LMO7: variants seen among roughly 807,000 people sequenced by gnomAD.
LMO7 encodes LIM domain 7, also known as LIM domain only protein 7.
LMO7 carries 120 observed loss-of-function variants against 206.5 expected under a neutral mutation model. The observed-to-expected ratio is 0.58, with a 90% confidence interval of 0.50 to 0.68. The LOEUF (loss-of-function observed/expected upper bound fraction) is 0.68. Ranked by LOEUF, LMO7 falls within the 30% of genes least tolerant of loss-of-function variation. The pLI, the probability that LMO7 is intolerant of heterozygous loss-of-function variation, is 0.00. For synonymous variants in LMO7, 706 were observed against 681.5 expected (o/e 1.04, Z -0.56); for missense variants, 1,959 against 1,957.9 (o/e 1.00, Z -0.01).
intron 11 of LMO7, among the ~76,000 whole-genome samples, chr13:75,810,938 C>T (rs940760526): frequency 2.0e-5 from 3 of 152,154 alleles, no homozygotes; most frequent in Non-Finnish European, 2.9e-5. Context: ...ATAGTTGTTT[C>T]GGATAGTACA....
chr13:75,747,483 CTG>C (rs1466781347), intron 3 of LMO7, among the ~76,000 whole-genome samples: 5 of 152,326 alleles, frequency 3.3e-5, no homozygotes, highest in African/African-American at 1.2e-4. Flanking sequence ...TATCCACTCA[CTG>C]TATGCTAGAA....
intron 1 of LMO7, among the ~76,000 whole-genome samples, chr13:75,709,455 ACCT>A (rs2042911220): frequency 6.6e-6 from 1 of 151,710 alleles, no homozygotes; most frequent in Admixed American, 6.6e-5. Flanking sequence ...CCTCTCCAGC[ACCT>A]GTTGTTTCCT....
At chr13:75,754,298 T>C (rs2047501148) in intron 3 of LMO7, among the ~76,000 whole-genome samples, 1 of 152,236 alleles carries the variant, frequency 6.6e-6, no homozygotes, top group African/African-American at 2.4e-5. Context: ...TTCTGGCTTC[T>C]TTCACTTACT....
rs2061122293 is a variant in LMO7 at position 75,858,347 on chromosome 13, T to C, written c.*404T>C. 6.2e-6 allele frequency: 1 copy of C among 162,282 alleles called. No homozygotes were observed. The highest frequency in any genetic ancestry group is 6.4e-5 in the Admixed American group (1 of 15,626). 10.1% of individuals were successfully genotyped at this position (162,282 alleles called of 1,614,324 possible). ...TGAAATAGTTAATATAAATACATAATTGCATTTGCTCTGTTTATTGTAATG... is the reference window on the plus strand; with the variant it reads ...TGAAATAGTTAATATAAATACATAACTGCATTTGCTCTGTTTATTGTAATG... On this transcript the variant is annotated 3_prime_UTR_variant, in exon 31 of 31. Transcript: ENST00000377534.
At chr13:75,721,187 C>T (rs996748596) in intron 2 of LMO7, among the ~76,000 whole-genome samples, 1 of 152,002 alleles carries the variant, frequency 6.6e-6, no homozygotes, top group African/African-American at 2.4e-5. Context: ...TTGGTAAGAG[C>T]AAAAAGCAAT....
intron 1 of LMO7, among the ~76,000 whole-genome samples, chr13:75,681,736 A>ATATATG (rs1555293422): frequency 6.0e-5 from 8 of 133,220 alleles, no homozygotes; most frequent in African/African-American, 2.1e-4. Context: ...ATATATATAT[A>ATATATG]TATATATATA....
At chr13:75,639,060 T>C (rs2036254246) in intron 1 of LMO7, among the ~76,000 whole-genome samples, 2 of 152,190 alleles carry the variant, frequency 1.3e-5, no homozygotes, top group African/African-American at 4.8e-5. Flanking sequence ...AACTGCAGCT[T>C]TGAATACCCC....
intron 4 of LMO7, among the ~76,000 whole-genome samples, chr13:75,791,642 G>A (rs1233631140): frequency 1.3e-5 from 2 of 152,072 alleles, no homozygotes; most frequent in African/African-American, 4.8e-5. Context: ...TTCAGGTAGA[G>A]GAGAGAAAAA....
At chr13:75,737,789 A>AC (rs1594654210) in intron 3 of LMO7, among the ~76,000 whole-genome samples, 6 of 129,852 alleles carry the variant, frequency 4.6e-5, no homozygotes, top group South Asian at 2.5e-4. Context: ...AAATAAAAAA[A>AC]AAAAAAAAAA....
intron 4 of LMO7, among the ~76,000 whole-genome samples, chr13:75,762,057 CA>C (rs1204869153): frequency 2.6e-5 from 4 of 152,108 alleles, no homozygotes; most frequent in Admixed American, 1.3e-4. Context: ...TGTCTTCCAG[CA>C]GTACACAGAA....
At position 75,841,324 on chromosome 13, in the gene LMO7, T is replaced by C. The variant is rs145919022; in HGVS notation, c.3675+123T>C. 1.1e-3 allele frequency: 758 copies of C among 666,714 alleles called. 5 individuals are homozygous for C. Among genetic ancestry groups the C allele is most frequent in the African/African-American group, 0.011 (624 of 55,036 alleles). 41.3% of individuals were successfully genotyped at this position (666,714 alleles called of 1,614,324 possible). A position where few individuals can be genotyped will look rare whatever the true frequency, so the allele number is the denominator to read the frequency against. On this transcript the variant is annotated intron_variant, in intron 23 of 30. Transcript: ENST00000377534. ...CCATATGTTCACCTGTGTAGCTCTTTGAAAAATACAATGAGCTCTGATTTG... is the reference window on the plus strand; with the variant it reads ...CCATATGTTCACCTGTGTAGCTCTTCGAAAAATACAATGAGCTCTGATTTG...
At chr13:75,771,901 A>G (rs1452486001) in intron 4 of LMO7, among the ~76,000 whole-genome samples, 1 of 30,868 alleles carries the variant, frequency 3.2e-5, no homozygotes, top group African/African-American at 1.3e-4. Context: ...AAATTACTTC[A>G]GTAGCAATCC....
In LMO7 at chr13:75,857,917, T is replaced by A; in HGVS notation, c.4874-4T>A. The A allele has an allele frequency of 6.3e-7, 1 of 1,594,480 alleles. No homozygotes were observed. Among genetic ancestry groups the A allele is most frequent in the Non-Finnish European group, 8.5e-7 (1 of 1,172,522 alleles). Reference sequence around the variant, plus strand: ...TTTTCTTTCTTTTCTCCTTGCCCGATCAGCTGGACGGCCAACCGCCATGTG... The same window carrying A: ...TTTTCTTTCTTTTCTCCTTGCCCGAACAGCTGGACGGCCAACCGCCATGTG... On this transcript the variant is annotated splice_polypyrimidine_tract_variant and splice_region_variant and intron_variant, in intron 30 of 30. Transcript: ENST00000377534.
chr13:75,734,167 A>C (rs1194265810), intron 3 of LMO7, among the ~76,000 whole-genome samples: 1 of 152,178 alleles, frequency 6.6e-6, no homozygotes, highest in East Asian at 1.9e-4. Context: ...ATGGTTCTGT[A>C]GGTTCTTTCT....
At chr13:75,729,980 A>T (rs1410540050) in intron 3 of LMO7, among the ~76,000 whole-genome samples, 1 of 152,044 alleles carries the variant, frequency 6.6e-6, no homozygotes, top group East Asian at 1.9e-4. Context: ...GATGAAGCCC[A>T]CTTGATCATG....
At chr13:75,682,274 T>C (rs2040600120) in intron 1 of LMO7, among the ~76,000 whole-genome samples, 1 of 152,244 alleles carries the variant, frequency 6.6e-6, no homozygotes, top group African/African-American at 2.4e-5. Context: ...CCTAGCATCC[T>C]CTGTTAGACA....
chr13:75,634,068 T>C (rs68028935), upstream of LMO7, among the ~76,000 whole-genome samples: 57,011 of 148,832 alleles, frequency 0.38, 11,127 homozygotes, highest in East Asian at 0.51. Flanking sequence ...CTCAAACTCC[T>C]GACCTTGTGA....
In LMO7 at chr13:75,829,094, G is replaced by T. The variant is rs149751989; in HGVS notation, c.2950-3957G>T. ...TTCGAATTGTTGGACTTAGGCATCG[G>T]AGACATGGCAATGAATGAGGTTGCT... On this transcript the variant is annotated intron_variant, in intron 15 of 30. Transcript: ENST00000377534. 1.7e-3 allele frequency among the ~76,000 whole-genome samples: 263 copies of T among 152,274 alleles called. 2 individuals carry two copies. Among genetic ancestry groups the T allele is most frequent in the African/African-American group, 5.9e-3 (245 of 41,556 alleles).
intron 6 of LMO7, among the ~76,000 whole-genome samples, chr13:75,799,496 A>T (rs537721324): frequency 3.9e-5 from 6 of 152,286 alleles, no homozygotes; most frequent in Non-Finnish European, 8.8e-5. Flanking sequence ...ATATTCTTCT[A>T]TGTAGCTACA....
Sources: allele counts gnomAD v4.1 joint callset (sites outside exome capture counted in the v4.1 genomes callset), GRCh38; gene constraint gnomAD v4.1.1; transcripts MANE v1.5; gene names NCBI Gene and HGNC (gene_info 2026-07-23, HGNC 2026-07-21).